COL26A1: variants seen among roughly 807,000 people sequenced by gnomAD.
COL26A1 encodes the protein collagen alpha-1(XXVI) chain.
Under a neutral mutation model 59.3 loss-of-function variants are expected in COL26A1, and 41 were observed. The observed-to-expected ratio is 0.69, with a 90% confidence interval of 0.54 to 0.90. The LOEUF (loss-of-function observed/expected upper bound fraction) is 0.90. Among genes scored for constraint, COL26A1 ranks in the 40% least tolerant of loss-of-function variants. COL26A1 has a pLI of 0.00. For missense variants in COL26A1, 612 were observed against 602.3 expected, an observed-to-expected ratio of 1.02 and a Z score of -0.17; for synonymous variants, 266 against 256.0, an observed-to-expected ratio of 1.04 and a Z score of -0.37.
intron 2 of COL26A1, among the ~76,000 whole-genome samples, chr7:101,442,908 C>T (rs1322018289): frequency 1.3e-5 from 2 of 151,644 alleles, no homozygotes; most frequent in Non-Finnish European, 1.5e-5. Flanking sequence ...AGTGTGCACA[C>T]GAGTGTGAGA....
At chr7:101,466,387 T>G (rs1793758091) in intron 3 of COL26A1, among the ~76,000 whole-genome samples, 1 of 152,050 alleles carries the variant, frequency 6.6e-6, no homozygotes, top group Admixed American at 6.6e-5. Context: ...TGCCCAGCAC[T>G]AGGCACAATA....
chr7:101,367,493 C>A (rs539327790), intron 1 of COL26A1, among the ~76,000 whole-genome samples: 1 of 151,526 alleles, frequency 6.6e-6, no homozygotes, highest in Non-Finnish European at 1.5e-5. Flanking sequence ...GGTGAAAACC[C>A]GTGTCTACTA....
intron 1 of COL26A1, chr7:101,388,960 T>C: frequency 7.1e-6 from 2 of 281,956 alleles, no homozygotes; most frequent in South Asian, 4.4e-5. Flanking sequence ...TATCTACCAA[T>C]TCCTCTGACA....
intron 3 of COL26A1, among the ~76,000 whole-genome samples, chr7:101,513,480 C>T (rs1286834832): frequency 6.6e-6 from 1 of 151,914 alleles, no homozygotes; most frequent in Non-Finnish European, 1.5e-5. Context: ...GCATGTGTCA[C>T]CGTGCCCAGC....
intron 3 of COL26A1, among the ~76,000 whole-genome samples, chr7:101,481,372 CCTTT>C (rs1430860401): frequency 6.6e-6 from 1 of 150,530 alleles, no homozygotes; most frequent in South Asian, 2.1e-4. Context: ...GTAAGCACCT[CCTTT>C]CTTTCTTGGG....
At chr7:101,461,264 C>T (rs13243969) in intron 3 of COL26A1, among the ~76,000 whole-genome samples, 93,320 of 151,506 alleles carry the variant, frequency 0.62, 30,279 homozygotes, top group African/African-American at 0.82. Context: ...GTGCTGGGAT[C>T]ACAGGTGTGA....
rs572908014 is a variant in COL26A1 at position 101,467,777 on chromosome 7, G to A, written c.385+19990G>A. On this transcript the variant is annotated intron_variant, in intron 3 of 12. Coordinates refer to ENST00000313669, the MANE Select transcript of COL26A1 (RefSeq NM_001278563.3). ...AGCTACTTGGGAGGCTGAGGCAGCA[G>A]AATGGCATGAACCCGGGAAGCAGGG... Among the ~76,000 whole-genome samples the A allele has an allele frequency of 9.7e-4, 148 of 152,216 alleles. 5 individuals are homozygous for A. The South Asian group carries it at 0.03, about 31-fold the overall frequency.
chr7:101,394,701 G>A (rs1791813452), intron 1 of COL26A1, among the ~76,000 whole-genome samples: 1 of 150,230 alleles, frequency 6.7e-6, no homozygotes, highest in East Asian at 2.0e-4. Flanking sequence ...GGGATTACAG[G>A]AATGAGCTGC....
intron 3 of COL26A1, among the ~76,000 whole-genome samples, chr7:101,480,830 A>G (rs951977972): frequency 6.6e-6 from 1 of 151,764 alleles, no homozygotes; most frequent in African/African-American, 2.4e-5. Context: ...TTCCTCTCTC[A>G]TTGTTGCTTG....
intron 3 of COL26A1, among the ~76,000 whole-genome samples, chr7:101,471,682 C>T (rs1217799250): frequency 3.4e-5 from 5 of 147,588 alleles, no homozygotes; most frequent in South Asian, 2.1e-4. Context: ...CGAGTTCAAG[C>T]GATTCTCCTG....
At chr7:101,541,125 C>T (rs1415430167) in intron 5 of COL26A1, among the ~76,000 whole-genome samples, 2 of 152,232 alleles carry the variant, frequency 1.3e-5, no homozygotes, top group Admixed American at 6.5e-5. Context: ...TGTCTTACAG[C>T]TCAGCTACTG....
chr7:101,483,802 G>A (rs542569530), intron 3 of COL26A1, among the ~76,000 whole-genome samples: 1 of 152,060 alleles, frequency 6.6e-6, no homozygotes, highest in East Asian at 1.9e-4. Context: ...AGCCTCCCGA[G>A]TAGCTGGGAT....
intron 3 of COL26A1, among the ~76,000 whole-genome samples, chr7:101,502,378 A>C (rs1273802659): frequency 1.3e-5 from 2 of 152,082 alleles, no homozygotes; most frequent in Admixed American, 6.5e-5. Context: ...AACAACAAAA[A>C]CCAGCTATGC....
intron 3 of COL26A1, among the ~76,000 whole-genome samples, chr7:101,469,488 T>C (rs1254090624): frequency 3.0e-5 from 4 of 134,236 alleles, no homozygotes; most frequent in Non-Finnish European, 6.4e-5. Context: ...GTTTACACGA[T>C]TTCTCTCTTT....
chr7:101,532,965 C>A, intron 3 of COL26A1, 117 bp from the exon 4 acceptor site: 1 of 757,850 alleles, frequency 1.3e-6, no homozygotes, highest in Non-Finnish European at 2.2e-6. Context: ...GTTTTCCAGG[C>A]AAAATGACTG....
rs1166487042 is a variant in COL26A1, at chr7:101,489,852, T to C, written c.385+42065T>C. Among the ~76,000 whole-genome samples, 56 of 27,142 alleles carry C rather than the reference T, an allele frequency of 2.1e-3. 7 individuals carry two copies. Among genetic ancestry groups the C allele is most frequent in the African/African-American group, 8.1e-3 (32 of 3,956 alleles). The allele number at this position is 27,142 out of a possible 152,430, so 17.8% of individuals were successfully genotyped here. A position where few individuals can be genotyped will look rare whatever the true frequency, so the allele number is the denominator to read the frequency against. ...TTTCTTTCTTTCTTTCTTTCTTTCT[T>C]TCTTTCTTTCTTTCTTTCTTTCTTT... On this transcript the variant is annotated intron_variant, in intron 3 of 12. Coordinates refer to ENST00000313669, the MANE Select transcript of COL26A1 (RefSeq NM_001278563.3).
intron 3 of COL26A1, among the ~76,000 whole-genome samples, chr7:101,511,068 G>GTTT (rs1369903271): frequency 6.6e-6 from 1 of 151,604 alleles, no homozygotes; most frequent in African/African-American, 2.4e-5. Context: ...GCCTGGCTAA[G>GTTT]TTTTTTGTAT....
chr7:101,553,496 C>A, intron 11 of COL26A1, 120 bp downstream of exon 11: 1 of 929,114 alleles, frequency 1.1e-6, no homozygotes, highest in Non-Finnish European at 1.6e-6. Flanking sequence ...GGGTGCTGGG[C>A]CACCGGGTGT....
At chr7:101,475,866 CTCTT>C (rs60267235) in intron 3 of COL26A1, among the ~76,000 whole-genome samples, 35,855 of 145,466 alleles carry the variant, frequency 0.25, 5,049 homozygotes, top group Middle Eastern at 0.33. Flanking sequence ...CTTTTTCTCT[CTCTT>C]TCTTTCTCTT....
Sources: gnomAD v4.1 joint callset for allele counts (sites outside exome capture counted in the v4.1 genomes callset) on GRCh38, gnomAD v4.1.1 for gene constraint, MANE v1.5 for transcripts, NCBI Gene and HGNC (gene_info 2026-07-23, HGNC 2026-07-21) for gene names.